The following CSMD3 variants were observed in gnomAD, a reference collection of about 807,000 sequenced individuals.
CSMD3 encodes CUB and Sushi multiple domains 3.
A neutral mutation model predicts 435.2 loss-of-function variants in CSMD3; 177 were observed. The ratio of observed to expected loss-of-function variants is 0.41; its 90% CI spans 0.36 to 0.46. The LOEUF is 0.46. Among genes scored for constraint, CSMD3 ranks in the 20% least tolerant of loss-of-function variants. CSMD3 has a pLI of 0.34. For missense variants in CSMD3, 4,265 were observed against 4,504.6 expected (o/e 0.95, Z 1.52); for synonymous variants, 1,656 against 1,520.5 (o/e 1.09, Z -2.07).
At chr8:112,675,910 A>C (rs2075760895) in intron 16 of CSMD3, among the ~76,000 whole-genome samples, 1 of 152,076 alleles carries the variant, frequency 6.6e-6, no homozygotes, top group Non-Finnish European at 1.5e-5. Context: ...AGTAAGAAAT[A>C]TTTGGGTTTT....
At chr8:112,723,371 C>A (rs1379202222) in intron 13 of CSMD3, among the ~76,000 whole-genome samples, 2 of 152,096 alleles carry the variant, frequency 1.3e-5, no homozygotes, top group East Asian at 1.9e-4. Context: ...ACAAGCATTT[C>A]CATCTATATT....
intron 3 of CSMD3, among the ~76,000 whole-genome samples, chr8:113,262,304 G>C (rs1588397015): frequency 6.6e-6 from 1 of 152,036 alleles, no homozygotes; most frequent in South Asian, 2.1e-4. Flanking sequence ...GTAAAGCAAA[G>C]TACATTATGT....
At chr8:113,387,324 A>G (rs2133132743) in intron 1 of CSMD3, among the ~76,000 whole-genome samples, 1 of 151,926 alleles carries the variant, frequency 6.6e-6, no homozygotes, top group Non-Finnish European at 1.5e-5. Context: ...AAAATGTAAT[A>G]GGCTGATAAA....
At chr8:113,193,848 T>C (rs1429593430) in intron 3 of CSMD3, among the ~76,000 whole-genome samples, 1 of 151,430 alleles carries the variant, frequency 6.6e-6, no homozygotes, top group Non-Finnish European at 1.5e-5. Context: ...TGAATAAGTA[T>C]GAAATATTTA....
At position 112,723,929 on chromosome 8, in the gene CSMD3, C is replaced by T. The variant is rs188608224; in HGVS notation, c.1973-33879G>A. 3.3e-5 allele frequency among the ~76,000 whole-genome samples: 5 copies of T among 151,784 alleles called. No individual in the cohort carries two copies. In the East Asian group the frequency reaches 7.8e-4, roughly 24 times the overall value. On this transcript the variant is annotated intron_variant, in intron 13 of 70. Coordinates refer to ENST00000297405, the MANE Select transcript of CSMD3 (RefSeq NM_198123.2). ...TAAGCCATGTATTGTTCTAGGCACT[C>T]GGGGCATAGCAGTAAATGAGAGATC... is the stretch of plus-strand genomic sequence containing the variant.
chr8:112,352,097 T>C (rs1472444757), intron 39 of CSMD3, among the ~76,000 whole-genome samples: 4 of 152,120 alleles, frequency 2.6e-5, no homozygotes, highest in African/African-American at 7.2e-5. Context: ...CACAATCCTA[T>C]GTGAATAGAG....
intron 59 of CSMD3, among the ~76,000 whole-genome samples, chr8:112,279,956 A>C (rs1818466074): frequency 6.6e-6 from 1 of 152,120 alleles, no homozygotes; most frequent in South Asian, 2.1e-4. Flanking sequence ...TTTGCATGCA[A>C]TATATTAACT....
chr8:112,331,794 G>C (rs1824086750), intron 45 of CSMD3, among the ~76,000 whole-genome samples: 1 of 151,962 alleles, frequency 6.6e-6, no homozygotes, highest in South Asian at 2.1e-4. Context: ...ACCATTCAAA[G>C]ATTAGGCATA....
intron 3 of CSMD3, among the ~76,000 whole-genome samples, chr8:113,220,411 G>C (rs1209888625): frequency 6.6e-6 from 1 of 151,352 alleles, no homozygotes; most frequent in Non-Finnish European, 1.5e-5. Context: ...ACAGGAGCTT[G>C]AATGGGAACC....
chr8:112,890,553 A>T lies in CSMD3; in HGVS notation c.1633+31074T>A, dbSNP rs1587592241. 7.9e-5 allele frequency among the ~76,000 whole-genome samples: 12 copies of T among 151,802 alleles called. No homozygotes were observed. The South Asian group carries it at 2.1e-3, about 26-fold the overall frequency. On this transcript the variant is annotated intron_variant, in intron 10 of 70. Transcript: ENST00000297405. ...GCTACTGCAGGAGGCTCCCGAATTC[A>T]AGATGGTACTCAATTTCCTTAACTA...
chr8:113,243,192 G>T (rs1272287970), intron 3 of CSMD3, among the ~76,000 whole-genome samples: 1 of 151,566 alleles, frequency 6.6e-6, no homozygotes, highest in African/African-American at 2.4e-5. Context: ...AACTGCATTT[G>T]GTGTAAAATT....
chr8:112,887,986 G>A (rs2081659721), intron 10 of CSMD3, among the ~76,000 whole-genome samples: 1 of 151,484 alleles, frequency 6.6e-6, no homozygotes, highest in Non-Finnish European at 1.5e-5. Context: ...AATTGTTTCA[G>A]GAAATATTTC....
rs73701354 is a variant in CSMD3 at position 113,277,749 on chromosome 8, C to T, written c.514+843G>A. On this transcript the variant is annotated intron_variant, in intron 3 of 70. Transcript: ENST00000297405. ...ACTATCCCTATGGGGAAGAAAAGGA[C>T]TCTTTCCTAAATTAGATGGAAATTT... Among the ~76,000 whole-genome samples, 1,052 of 152,000 alleles carry T rather than the reference C, an allele frequency of 6.9e-3. 18 individuals are homozygous for T. Among genetic ancestry groups the T allele is most frequent in the African/African-American group, 0.024 (1,003 of 41,514 alleles).
intron 36 of CSMD3, among the ~76,000 whole-genome samples, chr8:112,385,145 C>G (rs1829818881): frequency 6.6e-6 from 1 of 152,084 alleles, no homozygotes; most frequent in African/African-American, 2.4e-5. Flanking sequence ...GAGTAGAGTA[C>G]AGTAGCTAAA....
chr8:112,304,647 T>C (rs1821247348), intron 52 of CSMD3, 74 bp downstream of exon 52: 1 of 1,098,962 alleles, frequency 9.1e-7, no homozygotes. Context: ...AATGTGTTTA[T>C]GAAAGGAACT....
chr8:112,676,702 A>G (rs1181209654), intron 16 of CSMD3, among the ~76,000 whole-genome samples: 1 of 152,156 alleles, frequency 6.6e-6, no homozygotes. Context: ...ATATTCAGGA[A>G]CTGTTTCCTT....
At chr8:112,594,350 C>T (rs934739661) in intron 22 of CSMD3, among the ~76,000 whole-genome samples, 2 of 152,196 alleles carry the variant, frequency 1.3e-5, no homozygotes, top group Non-Finnish European at 2.9e-5. Flanking sequence ...TATCCCGCAC[C>T]CGGCTCGGAG....
At chr8:112,657,561 A>G (rs1719615752) in intron 17 of CSMD3, among the ~76,000 whole-genome samples, 1 of 152,188 alleles carries the variant, frequency 6.6e-6, no homozygotes, top group Admixed American at 6.5e-5. Context: ...TAACATGTAT[A>G]ACATCTATTT....
In CSMD3 at chr8:112,435,376, C is replaced by A. The variant is rs541287451; in HGVS notation, c.5396-26344G>T. 1.7e-4 allele frequency among the ~76,000 whole-genome samples: 26 copies of A among 151,672 alleles called. 1 individual carries two copies. The South Asian group carries it at 5.4e-3, about 31-fold the overall frequency. Reference sequence around the variant, plus strand: ...TAACATTCTTGTTTCATACATGAGACAATTGACACTTAGAATTAAGTAATT... The same window carrying A: ...TAACATTCTTGTTTCATACATGAGAAAATTGACACTTAGAATTAAGTAATT... On this transcript the variant is annotated intron_variant, in intron 32 of 70. Coordinates refer to ENST00000297405, the MANE Select transcript of CSMD3 (RefSeq NM_198123.2).
Sources: gnomAD v4.1 joint callset for allele counts (sites outside exome capture counted in the v4.1 genomes callset) on GRCh38, gnomAD v4.1.1 for gene constraint, MANE v1.5 for transcripts, NCBI Gene and HGNC (gene_info 2026-07-23, HGNC 2026-07-21) for gene names.